The following NTM variants were observed in gnomAD, a reference collection of about 807,000 sequenced individuals.
NTM encodes IgLON family member 2.
Under a neutral mutation model 42.1 loss-of-function variants are expected in NTM, and 13 were observed. That is an observed-to-expected ratio of 0.31 (90% confidence interval 0.20 to 0.49). NTM has a LOEUF of 0.49. Ranked by LOEUF, NTM falls within the 20% of genes least tolerant of loss-of-function variation. NTM has a pLI of 0.99. For synonymous variants in NTM, 187 were observed against 179.2 expected (o/e 1.04, Z -0.35); for missense variants, 373 against 452.8 (o/e 0.82, Z 1.60).
At chr11:131,566,215 A>T (rs1324481417) in intron 1 of NTM, among the ~76,000 whole-genome samples, 1 of 151,944 alleles carries the variant, frequency 6.6e-6, no homozygotes, top group Non-Finnish European at 1.5e-5. Context: ...CATTTAGGGG[A>T]CTCCTCCAGC....
chr11:131,576,062 G>A (rs148230334), intron 1 of NTM, among the ~76,000 whole-genome samples: 78 of 152,244 alleles, frequency 5.1e-4, no homozygotes, highest in African/African-American at 1.8e-3. Context: ...GCTCAGACAC[G>A]GTATCTAGAG....
At position 131,613,670 on chromosome 11, in the gene NTM, G is replaced by C. The variant is rs191631756; in HGVS notation, c.82+242782G>C. Among the ~76,000 whole-genome samples the C allele has an allele frequency of 7.2e-4, 109 of 152,254 alleles. No homozygotes were observed. The Middle Eastern group carries it at 0.01, about 14-fold the overall frequency. ...CCAGGCGCGATGCTGAGAACAGGGC[G>C]TGTGTGGTCACCTTTCATCCTTACC... On this transcript the variant is annotated intron_variant, in intron 1 of 8. Coordinates refer to ENST00000683400, the MANE Select transcript of NTM (RefSeq NM_001352005.2).
chr11:131,935,285 A>G (rs918196946), intron 2 of NTM, among the ~76,000 whole-genome samples: 1 of 152,184 alleles, frequency 6.6e-6, no homozygotes, highest in African/African-American at 2.4e-5. Flanking sequence ...TTTCTTTGCC[A>G]CATTACTACT....
At chr11:131,671,561 C>A (rs1354744131) in intron 1 of NTM, 4 of 982,544 alleles carry the variant, frequency 4.1e-6, no homozygotes, top group Admixed American at 6.2e-5. Context: ...CCGGTGGCTA[C>A]CCTCACCCTC....
intron 1 of NTM, among the ~76,000 whole-genome samples, chr11:131,844,157 G>A (rs140584298): frequency 1.3e-5 from 2 of 152,298 alleles, no homozygotes; most frequent in East Asian, 3.9e-4. Context: ...TAATGGCAAA[G>A]TGTTGCTGTT....
intron 3 of NTM, among the ~76,000 whole-genome samples, chr11:132,147,208 T>TGA (rs751020746): frequency 0.012 from 1,542 of 127,000 alleles, 5 homozygotes; most frequent in Non-Finnish European, 0.02. Context: ...TGTGTGTGTG[T>TGA]GTGTGTGAGA....
At chr11:131,874,030 AATATAT>A (rs59083400) in intron 1 of NTM, among the ~76,000 whole-genome samples, 5,734 of 76,270 alleles carry the variant, frequency 0.075, 363 homozygotes, top group Middle Eastern at 0.18. Context: ...AATATAATAT[AATATAT>A]ATATATATAT....
chr11:132,054,326 A>T (rs879276279), intron 2 of NTM, among the ~76,000 whole-genome samples: 3 of 152,232 alleles, frequency 2.0e-5, no homozygotes, highest in Non-Finnish European at 4.4e-5. Flanking sequence ...ACTCCACAGG[A>T]GACTCAGGAT....
intron 2 of NTM, among the ~76,000 whole-genome samples, chr11:132,085,400 C>T (rs2059580401): frequency 6.6e-6 from 1 of 152,168 alleles, no homozygotes; most frequent in Admixed American, 6.5e-5. Context: ...CATATATCCC[C>T]AGGCCTTAAC....
At chr11:131,881,508 A>ACACACC (rs1357636852) in intron 1 of NTM, among the ~76,000 whole-genome samples, 5 of 116,288 alleles carry the variant, frequency 4.3e-5, no homozygotes, top group African/African-American at 1.4e-4. Flanking sequence ...ACACACACAC[A>ACACACC]CCCCCCAAAG....
intron 4 of NTM, among the ~76,000 whole-genome samples, chr11:132,303,675 A>G (rs560757163): frequency 6.8e-6 from 1 of 146,832 alleles, no homozygotes; most frequent in Admixed American, 7.0e-5. Context: ...GAAAGGTGGT[A>G]TTTGCTTAGA....
At chr11:131,531,805 T>C (rs532703705) in intron 1 of NTM, among the ~76,000 whole-genome samples, 1 of 152,248 alleles carries the variant, frequency 6.6e-6, no homozygotes, top group South Asian at 2.1e-4. Context: ...AGTCTTCTGA[T>C]AGGAGGGGAA....
At chr11:132,255,816 C>T (rs1432243971) in intron 4 of NTM, among the ~76,000 whole-genome samples, 1 of 152,094 alleles carries the variant, frequency 6.6e-6, no homozygotes, top group Non-Finnish European at 1.5e-5. Context: ...AGTCAGCCTC[C>T]CCCTTCCCTG....
At chr11:131,984,529 C>T (rs1165849055) in intron 2 of NTM, 1 of 152,160 alleles carries the variant, frequency 6.6e-6, no homozygotes, top group East Asian at 1.9e-4. Flanking sequence ...GATAGTTCTT[C>T]TTTGTTCAGC....
chr11:132,219,636 C>A lies in NTM; in HGVS notation c.526+7489C>A, dbSNP rs559117923. Among the ~76,000 whole-genome samples the A allele has an allele frequency of 6.6e-5, 10 of 152,158 alleles. No homozygotes were observed. The East Asian group carries it at 1.4e-3, about 21-fold the overall frequency. Reference sequence around the variant, plus strand: ...ATTCATAAGAAAAGGCCCTCCCCCCCCACTGTCTTCCTCATGTGTACTCAA... The same window carrying A: ...ATTCATAAGAAAAGGCCCTCCCCCCACACTGTCTTCCTCATGTGTACTCAA... On this transcript the variant is annotated intron_variant, in intron 4 of 8. Transcript: ENST00000683400.
chr11:132,036,381 C>T (rs1223434504), intron 2 of NTM, among the ~76,000 whole-genome samples: 1 of 152,072 alleles, frequency 6.6e-6, no homozygotes, highest in Non-Finnish European at 1.5e-5. Context: ...ATATTCTGAC[C>T]CATTCCACTC....
intron 1 of NTM, among the ~76,000 whole-genome samples, chr11:131,469,076 G>A (rs1952169479): frequency 6.6e-6 from 1 of 152,220 alleles, no homozygotes; most frequent in Non-Finnish European, 1.5e-5. Flanking sequence ...TATCCTGGCA[G>A]AGCTGGCTGC....
chr11:131,429,657 A>G (rs1948488982), intron 1 of NTM, among the ~76,000 whole-genome samples: 1 of 152,228 alleles, frequency 6.6e-6, no homozygotes, highest in African/African-American at 2.4e-5. Context: ...GTTTCCATAT[A>G]TGCTATTTGA....
At chr11:131,561,347 A>G (rs2056207107) in intron 1 of NTM, among the ~76,000 whole-genome samples, 1 of 152,206 alleles carries the variant, frequency 6.6e-6, no homozygotes. Context: ...AGTTGGCCCT[A>G]TGTTTAAAGA....
Sources: gnomAD v4.1 joint callset for allele counts (sites outside exome capture counted in the v4.1 genomes callset) on GRCh38, gnomAD v4.1.1 for gene constraint, MANE v1.5 for transcripts, NCBI Gene and HGNC (gene_info 2026-07-23, HGNC 2026-07-21) for gene names.